The following LTBP1 variants were observed in gnomAD, a reference collection of about 807,000 sequenced individuals.
LTBP1 encodes latent transforming growth factor beta binding protein 1.
Under a neutral mutation model 207.6 loss-of-function variants are expected in LTBP1, and 129 were observed. The observed-to-expected ratio is 0.62, with a 90% CI of 0.54 to 0.72. The LOEUF (loss-of-function observed/expected upper bound fraction) is 0.72. Ranked by LOEUF, LTBP1 falls within the 30% of genes least tolerant of loss-of-function variation. LTBP1 has a pLI of 0.00. For missense variants in LTBP1, 2,281 were observed against 2,217.2 expected, an observed-to-expected ratio of 1.03 and a Z score of -0.58; for synonymous variants, 963 against 833.7, an observed-to-expected ratio of 1.16 and a Z score of -2.67.
rs1553316521 is a variant in LTBP1 at position 33,382,111 on chromosome 2, T to TTTTTTTTTTTTTTTTTTTG, written c.4712-7072_4712-7071insTTTTTTTTTTTTTTTTTGT. Among the ~76,000 whole-genome samples, 10 of 103,622 alleles carry TTTTTTTTTTTTTTTTTTTG rather than the reference T, an allele frequency of 9.7e-5. 3 individuals carry two copies. Among genetic ancestry groups the TTTTTTTTTTTTTTTTTTTG allele is most frequent in the African/African-American group, 4.8e-4 (10 of 20,638 alleles). 68.0% of individuals were successfully genotyped at this position (103,622 alleles called of 152,430 possible). A position where few individuals can be genotyped will look rare whatever the true frequency, so the allele number is the denominator to read the frequency against. Reference sequence around the variant, plus strand: ...TTTTTTTTTTTTTTTTTTTTTTTTTTTGAGACAGAGTCTCGCTCTGTTGCC... The same window carrying TTTTTTTTTTTTTTTTTTTG: ...TTTTTTTTTTTTTTTTTTTTTTTTTTTTTTTTTTTTTTTTTTTTGTGAGACAGAGTCTCGCTCTGTTGCC... On this transcript the variant is annotated intron_variant, in intron 31 of 33. Coordinates refer to ENST00000404816, the MANE Select transcript of LTBP1 (RefSeq NM_206943.4).
rs374573553 is a variant in LTBP1 at position 33,065,010 on chromosome 2, C to T, written c.863+43804C>T. On this transcript the variant is annotated intron_variant, in intron 3 of 33. Coordinates refer to ENST00000404816, the MANE Select transcript of LTBP1 (RefSeq NM_206943.4). Reference sequence around the variant, plus strand: ...TTTAGGGTGAAAGTATGTTATTTTACCAATCAGTATAATACATTAACAAAA... The same window carrying T: ...TTTAGGGTGAAAGTATGTTATTTTATCAATCAGTATAATACATTAACAAAA... 1.1e-4 allele frequency among the ~76,000 whole-genome samples: 17 copies of T among 152,256 alleles called. No homozygotes were observed. The East Asian group carries it at 2.7e-3, about 24-fold the overall frequency.
At chr2:32,966,038 G>A (rs1326819156) in intron 2 of LTBP1, among the ~76,000 whole-genome samples, 1 of 152,156 alleles carries the variant, frequency 6.6e-6, no homozygotes, top group Non-Finnish European at 1.5e-5. Context: ...TAATAGTTAT[G>A]TAGTGGTTTT....
At chr2:33,364,955 G>A (rs1299210803) in intron 30 of LTBP1, among the ~76,000 whole-genome samples, 1 of 152,210 alleles carries the variant, frequency 6.6e-6, no homozygotes, top group East Asian at 1.9e-4. Context: ...AAGAAGGCAT[G>A]AATCCAATAG....
At chr2:33,181,606 C>G (rs10204479) in intron 5 of LTBP1, among the ~76,000 whole-genome samples, 11,915 of 152,242 alleles carry the variant, frequency 0.078, 1,006 homozygotes, top group African/African-American at 0.21. Context: ...CCAGGTGACT[C>G]TCTGATGCAA....
intron 19 of LTBP1, among the ~76,000 whole-genome samples, chr2:33,290,712 G>T (rs2093757008): frequency 6.6e-6 from 1 of 152,138 alleles, no homozygotes; most frequent in African/African-American, 2.4e-5. Context: ...AAGGACTCAG[G>T]TTTCTGACTT....
At chr2:33,206,747 A>AG (rs2089913776) in intron 7 of LTBP1, among the ~76,000 whole-genome samples, 1 of 152,030 alleles carries the variant, frequency 6.6e-6, no homozygotes, top group Non-Finnish European at 1.5e-5. Flanking sequence ...TCAAAAAAAA[A>AG]AAAAAAAGAA....
chr2:33,035,028 C>T (rs1243141468), intron 3 of LTBP1, among the ~76,000 whole-genome samples: 1 of 152,192 alleles, frequency 6.6e-6, no homozygotes, highest in African/African-American at 2.4e-5. Context: ...CAACCTCGAA[C>T]CACCTTCTTT....
intron 4 of LTBP1, among the ~76,000 whole-genome samples, chr2:33,116,147 T>G (rs2080734123): frequency 6.6e-6 from 1 of 152,222 alleles, no homozygotes; most frequent in Non-Finnish European, 1.5e-5. Flanking sequence ...TTCCAGACTG[T>G]GCAAAGAAGA....
Position 33,301,570 on chromosome 2 carries a change from G to A in LTBP1, c.3407G>A (p.Arg1136Lys). 1 of 1,612,996 alleles carries A rather than the reference G, an allele frequency of 6.2e-7. No individual in the cohort carries two copies. The highest frequency in any genetic ancestry group is 8.5e-7 in the Non-Finnish European group (1 of 1,179,514). ...CATCTCTGTGCTCATGGGCAGTGCA[G>A]GAACACTGAGGGCTCTTTTCAATGT... ...HRHLCAHGQC[R>K]NTEGSFQCVC... is the part of the protein sequence containing the mutation. The change falls in exon 22 of 34, where the codon AGG becomes AAG. Residue 1136 changes from arginine (R) to lysine (K), a missense_variant. Around this residue, in one of 3 missense-constraint regions of LTBP1, gnomAD observed 1,671 missense variants for 1,634.8 expected, o/e 1.02. Coordinates refer to ENST00000404816, the MANE Select transcript of LTBP1 (RefSeq NM_206943.4).
chr2:33,318,357 C>T (rs1357150128), intron 24 of LTBP1, among the ~76,000 whole-genome samples: 1 of 152,148 alleles, frequency 6.6e-6, no homozygotes, highest in South Asian at 2.1e-4. Flanking sequence ...TATTCACTCA[C>T]GTAACCGGTA....
chr2:32,960,607 C>T (rs555129229), intron 2 of LTBP1, among the ~76,000 whole-genome samples: 1 of 151,814 alleles, frequency 6.6e-6, no homozygotes, highest in African/African-American at 2.4e-5. Flanking sequence ...TTTTTTTTCC[C>T]TCTAATTTTA....
chr2:33,100,325 C>T lies in LTBP1; in HGVS notation c.864-10257C>T, dbSNP rs145384057. Among the ~76,000 whole-genome samples, 452 of 152,138 alleles carry T rather than the reference C, an allele frequency of 3.0e-3. 2 individuals carry two copies. Among genetic ancestry groups the T allele is most frequent in the African/African-American group, 9.9e-3 (411 of 41,502 alleles). ...CTAGCTGCTACTCCAGAATTGGCAT[C>T]TCAAATGGTTACCTAAAAGGGGATA... is the stretch of plus-strand genomic sequence containing the variant. On this transcript the variant is annotated intron_variant, in intron 3 of 33. Transcript: ENST00000404816.
At chr2:32,949,111 A>G (rs1394137415) in intron 2 of LTBP1, among the ~76,000 whole-genome samples, 166 bp downstream of exon 2, 4 of 152,202 alleles carry the variant, frequency 2.6e-5, no homozygotes. Context: ...GGGTCAGGGT[A>G]ATGTTAGTAT....
At chr2:33,053,096 C>G (rs879295688) in intron 3 of LTBP1, among the ~76,000 whole-genome samples, 15 of 152,136 alleles carry the variant, frequency 9.9e-5, no homozygotes, top group Non-Finnish European at 1.9e-4. Context: ...GTCTTGAACT[C>G]CTGACCTCAA....
chr2:33,067,184 T>C (rs2077555585), intron 3 of LTBP1, among the ~76,000 whole-genome samples: 1 of 152,152 alleles, frequency 6.6e-6, no homozygotes, highest in African/African-American at 2.4e-5. Context: ...GGCTAAGATT[T>C]ATTTTTTTCT....
intron 32 of LTBP1, among the ~76,000 whole-genome samples, chr2:33,395,124 A>T (rs922764705): frequency 2.6e-5 from 4 of 152,204 alleles, no homozygotes; most frequent in Non-Finnish European, 5.9e-5. Flanking sequence ...CATTCATTAC[A>T]AAATACTTCT....
At position 33,115,037 on chromosome 2, in the gene LTBP1, T is replaced by TACACAC. The variant is rs60544598; in HGVS notation, c.1033+4317_1033+4322dup. ...ATGAAGGGATAAACAAACAGATATA[T>TACACAC]ACACACACACACACACACACACACA... On this transcript the variant is annotated intron_variant, in intron 4 of 33. Coordinates refer to ENST00000404816, the MANE Select transcript of LTBP1 (RefSeq NM_206943.4). 2.5e-3 allele frequency among the ~76,000 whole-genome samples: 362 copies of TACACAC among 145,256 alleles called. 3 individuals are homozygous for TACACAC. The highest frequency in any genetic ancestry group is 0.01 in the Middle Eastern group (3 of 286).
chr2:33,176,074 G>A (rs919516179), intron 5 of LTBP1, among the ~76,000 whole-genome samples: 20 of 151,442 alleles, frequency 1.3e-4, no homozygotes, highest in Middle Eastern at 6.8e-3. Context: ...GTTAATGGGT[G>A]CAGCACACCA....
At chr2:33,119,715 G>C (rs547667626) in intron 4 of LTBP1, among the ~76,000 whole-genome samples, 185 of 152,144 alleles carry the variant, frequency 1.2e-3, no homozygotes, top group Admixed American at 2.0e-3. Context: ...CTGCCACCAC[G>C]CCTGGCTAAT....
Sources: gnomAD v4.1 joint callset for allele counts (sites outside exome capture counted in the v4.1 genomes callset) on GRCh38, gnomAD v4.1.1 for gene constraint, gnomAD v4.1.1 regional missense constraint, MANE v1.5 for transcripts, NCBI Gene and HGNC (gene_info 2026-07-23, HGNC 2026-07-21) for gene names.